The following SERGEF variants were observed in gnomAD, a reference collection of about 807,000 sequenced individuals.
The protein encoded by SERGEF is secretion-regulating guanine nucleotide exchange factor.
A neutral mutation model predicts 50.0 loss-of-function variants in SERGEF; 51 were observed. The ratio of observed to expected loss-of-function variants is 1.02; its 90% CI spans 0.81 to 1.29. SERGEF has a LOEUF of 1.29. Among genes scored for constraint, SERGEF ranks in the 50% most tolerant of loss-of-function variants. The pLI is 0.00. For missense variants in SERGEF, 521 were observed against 557.0 expected, an observed-to-expected ratio of 0.94 and a Z score of 0.65; for synonymous variants, 205 against 212.4, an observed-to-expected ratio of 0.97 and a Z score of 0.30.
At position 18,004,475 on chromosome 11, in the gene SERGEF, C is replaced by T. The variant is rs1368862074; in HGVS notation, c.413G>A (p.Gly138Glu). ...CTGGGGAACCACACATCTTCGAGGTCCATGAGGAACTCCTAACTGGCCAAA... is the reference window on the plus strand; with the variant it reads ...CTGGGGAACCACACATCTTCGAGGTTCATGAGGAACTCCTAACTGGCCAAA... ...NSFGQLGVPHGPRRCVVPQAI... is the reference protein window; with the variant it reads ...NSFGQLGVPHEPRRCVVPQAI... Residue 138 changes from glycine to glutamate, a missense_variant, in exon 4 of 11, where the codon GGA becomes GAA. Coordinates refer to ENST00000265965, the MANE Select transcript of SERGEF (RefSeq NM_012139.4). 1.9e-6 allele frequency: 3 copies of T among 1,613,798 alleles called. No homozygotes were observed. Among genetic ancestry groups the T allele is most frequent in the Middle Eastern group, 1.6e-4 (1 of 6,084 alleles).
rs1853634097 is a variant in SERGEF at position 17,987,921 on chromosome 11, TC to T, written c.844+675del. Among the ~76,000 whole-genome samples, 3 of 151,926 alleles carry T rather than the reference TC, an allele frequency of 2.0e-5. No homozygotes were observed. The South Asian group carries it at 6.2e-4, about 32-fold the overall frequency. On this transcript the variant is annotated intron_variant, in intron 8 of 10. Transcript: ENST00000265965. ...AAATTGGCTGGGGAACTCTGTGAAA[TC>T]AACAGGCAGGAAGGCAGGGATGAAT...
At chr11:17,942,011 A>C (rs1852571943) in intron 9 of SERGEF, among the ~76,000 whole-genome samples, 1 of 131,458 alleles carries the variant, frequency 7.6e-6, no homozygotes, top group Non-Finnish European at 1.7e-5. Context: ...GACCTTGTAG[A>C]TTTATAGCAA....
chr11:17,998,679 AG>A (rs1212116122), intron 5 of SERGEF, among the ~76,000 whole-genome samples: 1 of 151,490 alleles, frequency 6.6e-6, no homozygotes, highest in African/African-American at 2.4e-5. Flanking sequence ...ATGCAATAAA[AG>A]TTAAAGGGGG....
intron 9 of SERGEF, among the ~76,000 whole-genome samples, chr11:17,936,802 C>T (rs908659597): frequency 6.6e-5 from 10 of 152,170 alleles, no homozygotes; most frequent in Non-Finnish European, 1.5e-5. Context: ...CAGGCATCTG[C>T]CCCTATACTG....
intron 8 of SERGEF, among the ~76,000 whole-genome samples, chr11:17,969,337 TCA>T (rs988950914): frequency 6.6e-6 from 1 of 152,194 alleles, no homozygotes; most frequent in Admixed American, 6.5e-5. Flanking sequence ...TAAAGCTTCT[TCA>T]CACAGTTTTA....
At chr11:17,790,444 A>G (rs890660821) in intron 10 of SERGEF, among the ~76,000 whole-genome samples, 1 of 152,064 alleles carries the variant, frequency 6.6e-6, no homozygotes. Flanking sequence ...TTAACTGTGC[A>G]TAGTATCCCA....
chr11:17,886,067 C>T (rs569539296), intron 9 of SERGEF, among the ~76,000 whole-genome samples: 12 of 152,224 alleles, frequency 7.9e-5, no homozygotes, highest in African/African-American at 1.7e-4. Flanking sequence ...TGATGCCCCC[C>T]GCCCCCACTT....
intron 9 of SERGEF, among the ~76,000 whole-genome samples, chr11:17,880,029 A>G (rs931501763): frequency 2.6e-5 from 4 of 152,244 alleles, no homozygotes; most frequent in African/African-American, 7.2e-5. Flanking sequence ...GCATTTCAGC[A>G]TTAGAAGCCA....
intron 9 of SERGEF, among the ~76,000 whole-genome samples, chr11:17,914,769 A>G (rs7109437): frequency 6.6e-6 from 1 of 152,122 alleles, no homozygotes; most frequent in African/African-American, 2.4e-5. Context: ...TCTTTCATAC[A>G]TATTTTATTT....
At chr11:18,010,313 G>C (rs1017992388) in intron 1 of SERGEF, 8 of 248,924 alleles carry the variant, frequency 3.2e-5, no homozygotes, top group African/African-American at 1.8e-4. Context: ...AAGCCCACAG[G>C]GGGCAATATT....
intron 9 of SERGEF, among the ~76,000 whole-genome samples, chr11:17,951,380 T>C (rs189411015): frequency 7.6e-4 from 116 of 152,340 alleles, no homozygotes; most frequent in Non-Finnish European, 1.5e-3. Flanking sequence ...GGAAAGGTTT[T>C]GAATGACCCA....
At position 17,838,266 on chromosome 11, in the gene SERGEF, G is replaced by A. The variant is rs1850442827; in HGVS notation, c.1048+39942C>T. Among the ~76,000 whole-genome samples, 4 of 152,310 alleles carry A rather than the reference G, an allele frequency of 2.6e-5. No homozygotes were observed. The South Asian group carries it at 8.3e-4, about 32-fold the overall frequency. ...ACACAGCCCTGGGGCAAATGTCAGGGGTGCAGCATGCCAGGGAAGGATGAT... is the reference window on the plus strand; with the variant it reads ...ACACAGCCCTGGGGCAAATGTCAGGAGTGCAGCATGCCAGGGAAGGATGAT... On this transcript the variant is annotated intron_variant, in intron 10 of 10. Coordinates refer to ENST00000265965, the MANE Select transcript of SERGEF (RefSeq NM_012139.4).
chr11:17,968,254 C>G (rs1853169320), intron 8 of SERGEF, among the ~76,000 whole-genome samples: 1 of 152,158 alleles, frequency 6.6e-6, no homozygotes, highest in South Asian at 2.1e-4. Flanking sequence ...TAAACCTACT[C>G]TCCAAAGAGA....
At chr11:17,819,144 T>C (rs1214933422) in intron 10 of SERGEF, among the ~76,000 whole-genome samples, 1 of 152,258 alleles carries the variant, frequency 6.6e-6, no homozygotes, top group African/African-American at 2.4e-5. Flanking sequence ...CTTTTTAATA[T>C]CAAAGAATTT....
intron 8 of SERGEF, among the ~76,000 whole-genome samples, chr11:17,968,335 T>G (rs778911212): frequency 1.3e-5 from 2 of 152,184 alleles, no homozygotes; most frequent in Non-Finnish European, 2.9e-5. Context: ...GATCCAGGCA[T>G]TCACAATATT....
Position 17,876,759 on chromosome 11 carries a change from T to C in SERGEF, c.1048+1449A>G, listed in dbSNP as rs954944711. On this transcript the variant is annotated intron_variant, in intron 10 of 10. Coordinates refer to ENST00000265965, the MANE Select transcript of SERGEF (RefSeq NM_012139.4). ...ATTCCCTGCCATCTTCTTGTTTATG[T>C]TGGTCCCAGGGGAAGCCAGCCTCTC... Among the ~76,000 whole-genome samples the C allele has an allele frequency of 4.0e-4, 61 of 152,258 alleles. 1 individual carries two copies. The highest frequency in any genetic ancestry group is 1.3e-4 in the Non-Finnish European group (9 of 68,048).
At chr11:17,843,532 C>G (rs1284281780) in intron 10 of SERGEF, among the ~76,000 whole-genome samples, 1 of 152,168 alleles carries the variant, frequency 6.6e-6, no homozygotes, top group Non-Finnish European at 1.5e-5. Context: ...GATTCAAATC[C>G]AGTTTTCTTA....
chr11:18,012,663 G>A, intron 1 of SERGEF: 2 of 1,166,792 alleles, frequency 1.7e-6, no homozygotes, highest in Non-Finnish European at 2.2e-6. Flanking sequence ...GAGGGCTCTC[G>A]CGGAACCAGA....
At chr11:17,881,614 A>G (rs1851332148) in intron 9 of SERGEF, among the ~76,000 whole-genome samples, 1 of 152,252 alleles carries the variant, frequency 6.6e-6, no homozygotes, top group Admixed American at 6.5e-5. Flanking sequence ...CCCAAGAGAA[A>G]GAGATTCAGG....
Sources: gnomAD v4.1 joint callset for allele counts (sites outside exome capture counted in the v4.1 genomes callset) on GRCh38, gnomAD v4.1.1 for gene constraint, MANE v1.5 for transcripts, NCBI Gene and HGNC (gene_info 2026-07-23, HGNC 2026-07-21) for gene names.